The following PAAF1 variants were observed in gnomAD, a reference collection of about 807,000 sequenced individuals.
The protein encoded by PAAF1 is proteasomal ATPase-associated factor 1.
PAAF1 carries 46 observed loss-of-function variants against 52.8 expected under a neutral mutation model. The observed-to-expected ratio is 0.87, with a 90% CI of 0.69 to 1.11. PAAF1 has a LOEUF of 1.11. PAAF1 is among the 50% of genes most tolerant of loss of function. The pLI is 0.00. For synonymous variants in PAAF1, 178 were observed against 172.8 expected, an observed-to-expected ratio of 1.03 and a Z score of -0.24; for missense variants, 424 against 477.4, an observed-to-expected ratio of 0.89 and a Z score of 1.04.
chr11:73,913,612 T>TG (rs969174333), intron 7 of PAAF1, among the ~76,000 whole-genome samples: 3 of 151,472 alleles, frequency 2.0e-5, no homozygotes, highest in African/African-American at 7.3e-5. Flanking sequence ...TCCTTGAGAG[T>TG]GAGGACCTTA....
chr11:73,919,945 T>C (rs1373924555), intron 10 of PAAF1, among the ~76,000 whole-genome samples: 8 of 152,068 alleles, frequency 5.3e-5, no homozygotes, highest in African/African-American at 1.9e-4. Context: ...TTTAGTGATT[T>C]GAAAATAAAG....
chr11:73,893,738 CA>C (rs564348245), intron 4 of PAAF1, among the ~76,000 whole-genome samples: 1,345 of 71,978 alleles, frequency 0.019, 27 homozygotes, highest in African/African-American at 0.051. Context: ...ACTCTGTCTC[CA>C]AAAAAAAAAA....
chr11:73,897,074 C>G (rs1248406348), intron 4 of PAAF1, among the ~76,000 whole-genome samples: 1 of 142,378 alleles, frequency 7.0e-6, no homozygotes. Flanking sequence ...CGCCCCTCAC[C>G]TCCCAGACGG....
intron 4 of PAAF1, among the ~76,000 whole-genome samples, chr11:73,896,470 G>T (rs1949369240): frequency 6.6e-6 from 1 of 150,668 alleles, no homozygotes; most frequent in South Asian, 2.1e-4. Context: ...TGTGTCCCTG[G>T]GTACTTGAGA....
intron 6 of PAAF1, 54 bp from the exon 7 acceptor site, chr11:73,909,345 C>T: frequency 6.5e-7 from 1 of 1,542,146 alleles, no homozygotes; most frequent in Non-Finnish European, 8.9e-7. Context: ...CTTCTCTGCC[C>T]TTGTAGTTCC....
chr11:73,877,353 G>T (rs1591027694), intron 1 of PAAF1: 1 of 302,116 alleles, frequency 3.3e-6, no homozygotes, highest in African/African-American at 2.2e-5. Flanking sequence ...AAGGCTTTTG[G>T]CCAAGCAGTC....
Position 73,891,105 on chromosome 11 carries a change from T to G in PAAF1, c.193-7T>G. Reference sequence around the variant, plus strand: ...CTGATGAATCTCATCTTTTCCTCTTTGTTTAGAAAAGCATTCATATTTCAT... The same window carrying G: ...CTGATGAATCTCATCTTTTCCTCTTGGTTTAGAAAAGCATTCATATTTCAT... On this transcript the variant is annotated splice_polypyrimidine_tract_variant and splice_region_variant and intron_variant, in intron 3 of 11. Coordinates refer to ENST00000310571, the MANE Select transcript of PAAF1 (RefSeq NM_025155.3). The G allele has an allele frequency of 6.5e-7, 1 of 1,549,120 alleles. No homozygotes were observed. Among genetic ancestry groups the G allele is most frequent in the Non-Finnish European group, 8.9e-7 (1 of 1,125,042 alleles).
intron 10 of PAAF1, among the ~76,000 whole-genome samples, chr11:73,924,291 C>T (rs561075960): frequency 4.6e-5 from 7 of 152,096 alleles, no homozygotes; most frequent in Non-Finnish European, 8.8e-5. Context: ...CCCGTCTCTA[C>T]AAAAATTAGC....
chr11:73,903,831 C>T (rs1949689147), intron 6 of PAAF1, among the ~76,000 whole-genome samples: 1 of 151,522 alleles, frequency 6.6e-6, no homozygotes, highest in South Asian at 2.1e-4. Flanking sequence ...CCCCTGTAAT[C>T]CCAGTACTTT....
intron 2 of PAAF1, among the ~76,000 whole-genome samples, chr11:73,882,081 A>G (rs892007707): frequency 5.3e-5 from 8 of 151,250 alleles, no homozygotes; most frequent in Non-Finnish European, 1.0e-4. Context: ...GAGTTTCTCC[A>G]TGTTGGTCAG....
chr11:73,910,864 C>T (rs1311465118), intron 7 of PAAF1, among the ~76,000 whole-genome samples: 3 of 151,748 alleles, frequency 2.0e-5, no homozygotes, highest in South Asian at 2.1e-4. Context: ...GTAGTGTGTG[C>T]ATGTAATCCC....
At chr11:73,912,868 C>T (rs993255802) in intron 7 of PAAF1, among the ~76,000 whole-genome samples, 1 of 152,182 alleles carries the variant, frequency 6.6e-6, no homozygotes, top group African/African-American at 2.4e-5. Context: ...CTCCCAGTCT[C>T]CTGGACTTTG....
intron 2 of PAAF1, among the ~76,000 whole-genome samples, chr11:73,884,643 G>T (rs1949010524): frequency 6.6e-6 from 1 of 152,164 alleles, no homozygotes; most frequent in African/African-American, 2.4e-5. Context: ...AAGTGAAGTT[G>T]CTTCAGTTCT....
At chr11:73,893,606 G>A (rs903739303) in intron 4 of PAAF1, among the ~76,000 whole-genome samples, 3 of 151,402 alleles carry the variant, frequency 2.0e-5, no homozygotes, top group South Asian at 2.1e-4. Flanking sequence ...GCGTGGTGGC[G>A]TGCACCTATA....
rs1950402224 is a variant in PAAF1, at chr11:73,927,768, A to G, written c.*406A>G. The G allele has an allele frequency of 5.8e-6, 1 of 171,470 alleles. No individual in the cohort carries two copies. The highest frequency in any genetic ancestry group is 1.2e-5 in the Non-Finnish European group (1 of 80,034). 10.6% of individuals were successfully genotyped at this position (171,470 alleles called of 1,614,324 possible). A position where few individuals can be genotyped will look rare whatever the true frequency, so the allele number is the denominator to read the frequency against. On this transcript the variant is annotated 3_prime_UTR_variant, in exon 12 of 12. Coordinates refer to ENST00000310571, the MANE Select transcript of PAAF1 (RefSeq NM_025155.3). ...GAACTTTGTTAAATACTCTTACTCCAGCAAAAAGTTGGTCAGGACGATGGA... is the reference window on the plus strand; with the variant it reads ...GAACTTTGTTAAATACTCTTACTCCGGCAAAAAGTTGGTCAGGACGATGGA...
chr11:73,898,037 G>T (rs193097428), intron 4 of PAAF1, among the ~76,000 whole-genome samples: 3,062 of 152,308 alleles, frequency 0.02, 101 homozygotes, highest in African/African-American at 0.069. Context: ...ACGAAAACCA[G>T]TCAGGCGTGG....
At chr11:73,914,613 G>A in intron 8 of PAAF1, 109 bp downstream of exon 8, 1 of 832,304 alleles carries the variant, frequency 1.2e-6, no homozygotes, top group Non-Finnish European at 2.0e-6. Flanking sequence ...TCACTTTTGA[G>A]AAGGCTGCGT....
chr11:73,914,338 A>C (rs556214366), intron 7 of PAAF1, 75 bp from the exon 8 acceptor site: 8 of 1,193,178 alleles, frequency 6.7e-6, no homozygotes, highest in Non-Finnish European at 1.0e-5. Context: ...GTAATCAACC[A>C]TCAGTATTGG....
intron 6 of PAAF1, among the ~76,000 whole-genome samples, chr11:73,907,786 G>A (rs1371383050): frequency 1.3e-5 from 2 of 152,194 alleles, no homozygotes; most frequent in African/African-American, 4.8e-5. Flanking sequence ...TACTGGTATA[G>A]GGTGGATGTT....
Sources: gnomAD v4.1 joint callset for allele counts (sites outside exome capture counted in the v4.1 genomes callset) on GRCh38, gnomAD v4.1.1 for gene constraint, MANE v1.5 for transcripts, NCBI Gene and HGNC (gene_info 2026-07-23, HGNC 2026-07-21) for gene names.